HSPA13: variants seen among roughly 807,000 people sequenced by gnomAD.
The protein encoded by HSPA13 is heat shock protein family A (Hsp70) member 13.
In HSPA13, 29 loss-of-function variants were observed where a neutral mutation model predicts 38.8. The ratio of observed to expected loss-of-function variants is 0.75; its 90% CI spans 0.56 to 1.02. HSPA13 has a LOEUF of 1.02. Among genes scored for constraint, HSPA13 ranks in the 50% least tolerant of loss-of-function variants. The pLI, the probability that HSPA13 is intolerant of heterozygous loss-of-function variation, is 0.00. For synonymous variants in HSPA13, 192 were observed against 205.3 expected (o/e 0.94, Z 0.56); for missense variants, 451 against 560.9 (o/e 0.80, Z 1.98).
rs756831589 is a variant in HSPA13 at position 14,381,539 on chromosome 21, C to T, written c.30G>A (p.Ser10=). 21 of 1,583,690 alleles carry T rather than the reference C, an allele frequency of 1.3e-5. No individual in the cohort carries two copies. Among genetic ancestry groups the T allele is most frequent in the African/African-American group, 5.4e-5 (4 of 73,984 alleles). MAREMTILG[S]AVLTLLLAGY... ...CGGCCAACAGGAGAGTCAAAACAGC[C>T]GATCCTGAAATAAAGGAAAATTAAA... is the stretch of plus-strand genomic sequence containing the variant. The change falls in exon 2 of 5, where the codon TCG becomes TCA. Residue 10 remains serine, a synonymous_variant. Transcript: ENST00000285667.
At position 14,374,250 on chromosome 21, in the gene HSPA13, C is replaced by T; in HGVS notation, c.783G>A (p.Gln261=). The change falls in exon 5 of 5, where the codon CAG becomes CAA. Residue 261 remains glutamine, a synonymous_variant. Coordinates refer to ENST00000285667, the MANE Select transcript of HSPA13 (RefSeq NM_006948.5). ...NNKLGGQDFN[Q]RLLQYLYKQI... ...GTTTATATAAGTACTGAAGCAATCTCTGATTGAAGTCCTGTCCTCCAAGTT... is the reference window on the plus strand; with the variant it reads ...GTTTATATAAGTACTGAAGCAATCTTTGATTGAAGTCCTGTCCTCCAAGTT... 6.2e-7 allele frequency: 1 copy of T among 1,610,448 alleles called. No homozygotes were observed. Among genetic ancestry groups the T allele is most frequent in the Non-Finnish European group, 8.5e-7 (1 of 1,179,396 alleles).
intron 3 of HSPA13, among the ~76,000 whole-genome samples, chr21:14,376,879 C>A (rs1984040630): frequency 6.6e-6 from 1 of 152,190 alleles, no homozygotes; most frequent in Admixed American, 6.5e-5. Context: ...TTCTACAAGT[C>A]ATCCATCCCC....
At chr21:14,380,950 G>C (rs1351208161) in intron 2 of HSPA13, among the ~76,000 whole-genome samples, 1 of 152,126 alleles carries the variant, frequency 6.6e-6, no homozygotes, top group Non-Finnish European at 1.5e-5. Context: ...CTGCTACCTT[G>C]AAAGAGCTAA....
rs781723363 is a variant in HSPA13 at position 14,381,389 on chromosome 21, A to C, written c.180T>G (p.Asp60Glu). ...TGGGTATGCTGATATGCCCATTTTC[A>C]TCTGGAATCACCTTTACTTTTCCTG... ...PGTGKVKVIPDENGHISIPSM... is the reference protein window; with the variant it reads ...PGTGKVKVIPEENGHISIPSM... Residue 60 changes from aspartate (D) to glutamate (E), a missense_variant, in exon 2 of 5, where the codon GAT becomes GAG. Physicochemically the swap from Asp to Glu is conservative, Grantham distance 45 (BLOSUM62 2). Transcript: ENST00000285667. 6 of 1,614,140 alleles carry C rather than the reference A, an allele frequency of 3.7e-6. No homozygotes were observed. Among genetic ancestry groups the C allele is most frequent in the Non-Finnish European group, 5.1e-6 (6 of 1,180,020 alleles).
At chr21:14,380,628 T>C (rs933894667) in intron 2 of HSPA13, among the ~76,000 whole-genome samples, 1 of 152,122 alleles carries the variant, frequency 6.6e-6, no homozygotes, top group Non-Finnish European at 1.5e-5. Context: ...ATTTGACCTA[T>C]CAATTAGACT....
At chr21:14,375,593 A>G in intron 4 of HSPA13, 59 bp downstream of exon 4, 3 of 1,489,606 alleles carry the variant, frequency 2.0e-6, no homozygotes, top group South Asian at 1.2e-5. Context: ...CGGCCTCCCA[A>G]AGTGCTGGGA....
In HSPA13 at chr21:14,373,050, T is replaced by G. The variant is rs141696285; in HGVS notation, c.*567A>C. 1 of 152,646 alleles carries G rather than the reference T, an allele frequency of 6.6e-6. No individual in the cohort carries two copies. The highest frequency in any genetic ancestry group is 1.5e-5 in the Non-Finnish European group (1 of 68,274). The allele number at this position is 152,646 out of a possible 1,614,324, so 9.5% of individuals were successfully genotyped here. ...ATGCAGATTACAAGAATATGACACT[T>G]AACAGGATACTGAATTTGTGAATGT... On this transcript the variant is annotated 3_prime_UTR_variant, in exon 5 of 5. Transcript: ENST00000285667.
At chr21:14,377,368 A>C (rs1984054728) in intron 3 of HSPA13, among the ~76,000 whole-genome samples, 1 of 152,180 alleles carries the variant, frequency 6.6e-6, no homozygotes. Context: ...ACATTAACGG[A>C]ATTTAGAAGA....
At position 14,373,832 on chromosome 21, in the gene HSPA13, C is replaced by G; in HGVS notation, c.1201G>C (p.Glu401Gln). Residue 401 changes from glutamate to glutamine, a missense_variant, in exon 5 of 5, where the codon GAG (glutamate) becomes CAG (glutamine). Glu to Gln is a conservative substitution (Grantham distance 29). Transcript: ENST00000285667. ...GTGGAGCCCCCAACTAAAACCACCT[C>G]ATCAATCTCAGTCTTTTCCAGGTGG... ...EGHLEKTEID[E>Q]VVLVGGSTRI... 1 of 1,614,222 alleles carries G rather than the reference C, an allele frequency of 6.2e-7. No homozygotes were observed. The highest frequency in any genetic ancestry group is 8.5e-7 in the Non-Finnish European group (1 of 1,180,036).
At chr21:14,383,047 A>T in intron 1 of HSPA13, 48 bp downstream of exon 1, 1 of 1,611,400 alleles carries the variant, frequency 6.2e-7, no homozygotes, top group Non-Finnish European at 8.5e-7. Context: ...TGGCATCCTC[A>T]GATCGCCTCT....
chr21:14,377,317 GATCT>G (rs1984053288), intron 3 of HSPA13, among the ~76,000 whole-genome samples: 1 of 152,108 alleles, frequency 6.6e-6, no homozygotes, highest in African/African-American at 2.4e-5. Context: ...ATCATTAAAT[GATCT>G]ATCTCAGATT....
chr21:14,375,557 C>G (rs1983999322), intron 4 of HSPA13, 95 bp downstream of exon 4: 3 of 741,468 alleles, frequency 4.0e-6, no homozygotes, highest in Non-Finnish European at 4.3e-6. Flanking sequence ...TGGTCTCGAT[C>G]TCCCCATCTC....
rs116430772 is a variant in HSPA13, at chr21:14,377,864, G to A, written c.580+335C>T. Reference sequence around the variant, plus strand: ...CACCAGTGGTTTGCCAAGGGCTCTCGGGCCTTCGGCCATAGACTAAAAGCT... The same window carrying A: ...CACCAGTGGTTTGCCAAGGGCTCTCAGGCCTTCGGCCATAGACTAAAAGCT... On this transcript the variant is annotated intron_variant, in intron 3 of 4. Coordinates refer to ENST00000285667, the MANE Select transcript of HSPA13 (RefSeq NM_006948.5). Among the ~76,000 whole-genome samples, 1,388 of 152,328 alleles carry A rather than the reference G, an allele frequency of 9.1e-3. 22 individuals are homozygous for A. The highest frequency in any genetic ancestry group is 0.031 in the African/African-American group (1,306 of 41,570).
intron 4 of HSPA13, among the ~76,000 whole-genome samples, chr21:14,374,639 T>C (rs967614663): frequency 5.9e-5 from 9 of 152,132 alleles, no homozygotes; most frequent in Non-Finnish European, 5.9e-5. Flanking sequence ...ATAAGTACTA[T>C]TTAAAAACTA....
At chr21:14,380,757 T>C (rs1336594579) in intron 2 of HSPA13, among the ~76,000 whole-genome samples, 1 of 152,220 alleles carries the variant, frequency 6.6e-6, no homozygotes, top group African/African-American at 2.4e-5. Context: ...ACTAGTCTAA[T>C]TAATAATGGA....
Position 14,381,244 on chromosome 21 carries a change from C to T in HSPA13, c.325G>A (p.Ala109Thr), listed in dbSNP as rs372295434. 1.4e-5 allele frequency: 22 copies of T among 1,610,158 alleles called. No homozygotes were observed. Among genetic ancestry groups the T allele is most frequent in the East Asian group, 2.2e-5 (1 of 44,804 alleles). The stretch of plus-strand genomic sequence containing the variant: ...CCAATTTCAGCCTCCAACTCTTCTG[C>T]GGTAAAAATCTTGCCTATGAATCTT... ...AKRFIGKIFT[A>T]EELEAEIGRY... Residue 109 changes from alanine (A) to threonine (T), a missense_variant, in exon 2 of 5, where the codon GCA (alanine) becomes ACA (threonine). Physicochemically the swap from Ala to Thr is moderately conservative, Grantham distance 58. Coordinates refer to ENST00000285667, the MANE Select transcript of HSPA13 (RefSeq NM_006948.5).
chr21:14,381,625 T>C, intron 1 of HSPA13, 82 bp from the exon 2 acceptor site: 5 of 1,207,620 alleles, frequency 4.1e-6, no homozygotes, highest in Non-Finnish European at 4.4e-6. Flanking sequence ...CCCTTTAATA[T>C]CACTCGTTGA....
intron 2 of HSPA13, among the ~76,000 whole-genome samples, chr21:14,379,143 T>C (rs1984107539): frequency 6.6e-6 from 1 of 152,300 alleles, no homozygotes; most frequent in East Asian, 1.9e-4. Flanking sequence ...TAGTACATAT[T>C]AACAAGAATA....
At chr21:14,378,167 GA>G in intron 3 of HSPA13, 31 bp downstream of exon 3, 1 of 1,554,952 alleles carries the variant, frequency 6.4e-7, no homozygotes, top group Non-Finnish European at 8.9e-7. Context: ...ACAATTTTGA[GA>G]AAAATGCATC....
Sources: gnomAD v4.1 joint callset for allele counts (sites outside exome capture counted in the v4.1 genomes callset) on GRCh38, gnomAD v4.1.1 for gene constraint, MANE v1.5 for transcripts, NCBI Gene and HGNC (gene_info 2026-07-23, HGNC 2026-07-21) for gene names.